The following CSPG4 variants were observed in gnomAD, a reference collection of about 807,000 sequenced individuals.
CSPG4 encodes the protein chondroitin sulfate proteoglycan 4.
A neutral mutation model predicts 139.3 loss-of-function variants in CSPG4; 74 were observed. The ratio of observed to expected loss-of-function variants is 0.53; its 90% CI spans 0.44 to 0.64. CSPG4 has a LOEUF of 0.64. Ranked by LOEUF, CSPG4 falls within the 30% of genes least tolerant of loss-of-function variation. The pLI, the probability that CSPG4 is intolerant of heterozygous loss-of-function variation, is 0.00. For missense variants in CSPG4, 2,565 were observed against 3,148.3 expected, an observed-to-expected ratio of 0.81 and a Z score of 4.43; for synonymous variants, 1,234 against 1,394.2, an observed-to-expected ratio of 0.89 and a Z score of 2.56.
chr15:75,691,035 A>C (rs1037465239), intron 2 of CSPG4, among the ~76,000 whole-genome samples: 1 of 152,190 alleles, frequency 6.6e-6, no homozygotes, highest in African/African-American at 2.4e-5. Flanking sequence ...TTAGCTGGGC[A>C]TGGTGGCGCA....
intron 8 of CSPG4, chr15:75,679,112 G>A (rs1013262308): frequency 4.6e-6 from 1 of 215,056 alleles, no homozygotes; most frequent in Non-Finnish European, 9.3e-6. Flanking sequence ...CCCCTTATTT[G>A]TAGCTCCAGC....
Position 75,690,230 on chromosome 15 carries a change from C to T in CSPG4, c.835G>A (p.Val279Met). 2 of 1,613,424 alleles carry T rather than the reference C, an allele frequency of 1.2e-6. No homozygotes were observed. Among genetic ancestry groups the T allele is most frequent in the Non-Finnish European group, 8.5e-7 (1 of 1,179,874 alleles). ...ACCTCATGGGGCTGCCCATCGGCCA[C>T]AGGCACACTGTTGTGGAGCAATACG... ...GTVLLHNSVP[V>M]ADGQPHEVSV... Residue 279 changes from valine to methionine, a missense_variant, in exon 3 of 10, where the codon GTG becomes ATG. This residue lies in a region of CSPG4 where 2,316 missense variants were observed against 2,818.2 expected (regional missense o/e 0.82). Coordinates refer to ENST00000308508, the MANE Select transcript of CSPG4 (RefSeq NM_001897.5).
At position 75,690,824 on chromosome 15, in the gene CSPG4, T is replaced by A; in HGVS notation, c.253-12A>T. ...AGAACAAGTCTGACCTGAAGAGAGATGGGGAGTGGGAGATAGTGGACAGCA... is the reference window on the plus strand; with the variant it reads ...AGAACAAGTCTGACCTGAAGAGAGAAGGGGAGTGGGAGATAGTGGACAGCA... On this transcript the variant is annotated splice_polypyrimidine_tract_variant and intron_variant, in intron 2 of 9. Coordinates refer to ENST00000308508, the MANE Select transcript of CSPG4 (RefSeq NM_001897.5). The A allele has an allele frequency of 1.9e-6, 3 of 1,595,252 alleles. No individual in the cohort carries two copies. Among genetic ancestry groups the A allele is most frequent in the Non-Finnish European group, 2.6e-6 (3 of 1,168,254 alleles).
At chr15:75,681,766 G>A (rs1441970001) in intron 8 of CSPG4, among the ~76,000 whole-genome samples, 1 of 152,150 alleles carries the variant, frequency 6.6e-6, no homozygotes, top group Admixed American at 6.5e-5. Flanking sequence ...CCACCAGGAC[G>A]GATGAACAGC....
At chr15:75,691,126 A>T (rs187473183) in intron 2 of CSPG4, among the ~76,000 whole-genome samples, 99 of 152,306 alleles carry the variant, frequency 6.5e-4, no homozygotes, top group African/African-American at 2.3e-3. Flanking sequence ...GTGAGCTGAG[A>T]TCATGCCATT....
Position 75,676,351 on chromosome 15 carries a change from G to C in CSPG4, c.6168C>G (p.Pro2056=). The part of the protein sequence containing the change: ...LLHVWAGGPW[P]QGATLRLDPT... The stretch of plus-strand genomic sequence containing the variant: ...GGTCCAGGCGCAGGGTGGCACCCTG[G>C]GGCCATGGCCCACCTGCCCACACAT... Residue 2056 remains proline, a synonymous_variant, in exon 10 of 10, where the codon CCC becomes CCG. Transcript: ENST00000308508. 1 of 1,613,086 alleles carries C rather than the reference G, an allele frequency of 6.2e-7. No homozygotes were observed. The highest frequency in any genetic ancestry group is 8.5e-7 in the Non-Finnish European group (1 of 1,179,994).
chr15:75,685,629 C>T lies in CSPG4; in HGVS notation c.3862G>A (p.Val1288Met), dbSNP rs372540849. Reference sequence around the variant, plus strand: ...GCCAAGGCGCCACGCGACACCATCACCAGGTAGCCGGCACTCGGTGGGCTC... The same window carrying T: ...GCCAAGGCGCCACGCGACACCATCATCAGGTAGCCGGCACTCGGTGGGCTC... ...VKSPPSAGYL[V>M]MVSRGALADE... The change falls in exon 4 of 10, where the codon GTG (valine) becomes ATG (methionine). Residue 1288 changes from valine (V) to methionine (M), a missense_variant. Val to Met is a conservative substitution (Grantham distance 21). Coordinates refer to ENST00000308508, the MANE Select transcript of CSPG4 (RefSeq NM_001897.5). 4.3e-6 allele frequency: 7 copies of T among 1,609,866 alleles called. No individual in the cohort carries two copies. The highest frequency in any genetic ancestry group is 5.1e-6 in the Non-Finnish European group (6 of 1,179,674).
In CSPG4 at chr15:75,712,824, C is replaced by G; in HGVS notation, c.-69G>C. On this transcript the variant is annotated 5_prime_UTR_variant, in exon 1 of 10. Transcript: ENST00000308508. The stretch of plus-strand genomic sequence containing the variant: ...CCTGGGAGCTGGGAGCTGAGTGGAG[C>G]GAGCGCGGCTCTGCTCCTGGGCGCG... 1 of 1,366,038 alleles carries G rather than the reference C, an allele frequency of 7.3e-7. No individual in the cohort carries two copies. The highest frequency in any genetic ancestry group is 2.6e-4 in the Middle Eastern group (1 of 3,834). 84.6% of individuals were successfully genotyped at this position (1,366,038 alleles called of 1,614,324 possible).
chr15:75,693,465 G>A (rs1296094796), intron 1 of CSPG4, among the ~76,000 whole-genome samples: 1 of 152,216 alleles, frequency 6.6e-6, no homozygotes, highest in Admixed American at 6.5e-5. Flanking sequence ...TTTACAGGAG[G>A]TCAGACCCAG....
intron 1 of CSPG4, among the ~76,000 whole-genome samples, chr15:75,695,820 G>T (rs759767803): frequency 6.6e-6 from 1 of 152,128 alleles, no homozygotes; most frequent in Non-Finnish European, 1.5e-5. Flanking sequence ...CAGCAGCAAG[G>T]CCGAGTGAGA....
At position 75,687,891 on chromosome 15, in the gene CSPG4, A is replaced by G. The variant is rs750231921; in HGVS notation, c.3174T>C (p.Leu1058=). The change falls in exon 3 of 10, where the codon CTT becomes CTC. Residue 1058 remains leucine (L), a synonymous_variant. Coordinates refer to ENST00000308508, the MANE Select transcript of CSPG4 (RefSeq NM_001897.5). This position sits in a 1 kb window ranked among gnomAD's most constrained non-coding sequence, Gnocchi z 5.4. ...TGCCAAAGAGGAGGTCCTTGCGGGT[A>G]AGCACCAGCTGGGCGTCAGCAAAGC... ...DSGFADAQLV[L]TRKDLLFGSI... is the part of the protein sequence containing the mutation. 86 of 1,612,836 alleles carry G rather than the reference A, an allele frequency of 5.3e-5. No homozygotes were observed. The highest frequency in any genetic ancestry group is 2.3e-4 in the Admixed American group (14 of 60,016).
rs1479858865 is a variant in CSPG4, at chr15:75,676,381, C to T, written c.6138G>A (p.Leu2046=). The T allele has an allele frequency of 1.9e-6, 3 of 1,613,522 alleles. No homozygotes were observed. The highest frequency in any genetic ancestry group is 2.5e-6 in the Non-Finnish European group (3 of 1,180,032). The change falls in exon 10 of 10, where the codon CTG becomes CTA. Residue 2046 remains leucine, a synonymous_variant. Transcript: ENST00000308508. Reference sequence around the variant, plus strand: ...ATGGCCCACCTGCCCACACATGCAGCAGAGCCCTCACAGTGACGTTCACTA... The same window carrying T: ...ATGGCCCACCTGCCCACACATGCAGTAGAGCCCTCACAGTGACGTTCACTA... ...SAVVNVTVRA[L]LHVWAGGPWP... is the part of the protein sequence containing the mutation.
intron 5 of CSPG4, among the ~76,000 whole-genome samples, chr15:75,684,074 T>G (rs564618147): frequency 2.3e-5 from 3 of 130,076 alleles, no homozygotes; most frequent in African/African-American, 8.7e-5. Flanking sequence ...ACAGCCCAAG[T>G]CAGCCCTTTA....
rs941344464 is a variant in CSPG4, at chr15:75,689,485, C to T, written c.1580G>A (p.Arg527Gln). 1.1e-5 allele frequency: 17 copies of T among 1,612,622 alleles called. No individual in the cohort carries two copies. Among genetic ancestry groups the T allele is most frequent in the Admixed American group, 3.3e-5 (2 of 59,990 alleles). The change falls in exon 3 of 10, where the codon CGG becomes CAG. Residue 527 changes from arginine (R) to glutamine (Q), a missense_variant. By Grantham distance (43) the Arg-to-Gln change is conservative. This residue lies in a region of CSPG4 where 2,316 missense variants were observed against 2,818.2 expected (regional missense o/e 0.82). Transcript: ENST00000308508. ...QLVLEVSVTA[R>Q]VPMPSCLRRG... The stretch of plus-strand genomic sequence containing the variant: ...CCGAAGGCATGAGGGCATGGGCACC[C>T]GAGCCGTCACCGACACCTCCAGCAC...
rs765839724 is a variant in CSPG4, at chr15:75,687,620, C to T, written c.3445G>A (p.Val1149Met). The change falls in exon 3 of 10, where the codon GTG (valine) becomes ATG (methionine). Residue 1149 changes from valine to methionine, a missense_variant. Physicochemically the swap from Val to Met is conservative, Grantham distance 21. This residue lies in a region of CSPG4 where 2,316 missense variants were observed against 2,818.2 expected (regional missense o/e 0.82). Transcript: ENST00000308508. This position sits in a 1 kb window ranked among gnomAD's most constrained non-coding sequence, Gnocchi z 5.4. ...TCGAGGTTGGTGTCCAGGTGGAGCA[C>T]GGCCGTGTCGATGGTGCCCTGGCCT... ...QGGQGTIDTA[V>M]LHLDTNLDIR... The T allele has an allele frequency of 1.9e-5, 30 of 1,611,814 alleles. No individual in the cohort carries two copies. The highest frequency in any genetic ancestry group is 5.5e-5 in the South Asian group (5 of 90,894).
rs372098962 is a variant in CSPG4 at position 75,697,349 on chromosome 15, G to A, written c.89-4116C>T. Among the ~76,000 whole-genome samples, 341 of 152,238 alleles carry A rather than the reference G, an allele frequency of 2.2e-3. 3 individuals carry two copies. The highest frequency in any genetic ancestry group is 7.8e-3 in the African/African-American group (323 of 41,556). ...GCTCTAGGACAGTCTGGAGGGCCCC[G>A]GCCTGGGGCCCCACCCTCCATGGGT... On this transcript the variant is annotated intron_variant, in intron 1 of 9. Coordinates refer to ENST00000308508, the MANE Select transcript of CSPG4 (RefSeq NM_001897.5).
intron 8 of CSPG4, among the ~76,000 whole-genome samples, 191 bp from the exon 9 acceptor site, chr15:75,678,077 G>A (rs1893919776): frequency 6.6e-6 from 1 of 152,212 alleles, no homozygotes; most frequent in Admixed American, 6.5e-5. Flanking sequence ...GGGCTCTGGA[G>A]CCGGAGCCTG....
At position 75,690,639 on chromosome 15, in the gene CSPG4, G is replaced by A; in HGVS notation, c.426C>T (p.Val142=). ...SSAVPGAPLE[V]PYGLFVGGTG... Reference sequence around the variant, plus strand: ...TGCCCCCAACAAAGAGCCCATAGGGGACCTCTAGGGGGGCTCCTGGGACTG... The same window carrying A: ...TGCCCCCAACAAAGAGCCCATAGGGAACCTCTAGGGGGGCTCCTGGGACTG... Residue 142 remains valine, a synonymous_variant, in exon 3 of 10, where the codon GTC becomes GTT. Transcript: ENST00000308508. 1 of 1,611,686 alleles carries A rather than the reference G, an allele frequency of 6.2e-7. No homozygotes were observed. The highest frequency in any genetic ancestry group is 8.5e-7 in the Non-Finnish European group (1 of 1,179,874).
At chr15:75,705,877 G>A (rs1894363372) in intron 1 of CSPG4, among the ~76,000 whole-genome samples, 1 of 152,158 alleles carries the variant, frequency 6.6e-6, no homozygotes, top group African/African-American at 2.4e-5. Flanking sequence ...GCATATGTGT[G>A]TGTCTGTGCC....
Sources: allele counts gnomAD v4.1 joint callset (sites outside exome capture counted in the v4.1 genomes callset), GRCh38; gene constraint gnomAD v4.1.1; regional missense constraint gnomAD v4.1.1; non-coding constraint Gnocchi (gnomAD v3.1); transcripts MANE v1.5; gene names NCBI Gene and HGNC (gene_info 2026-07-23, HGNC 2026-07-21).